Variants in PGBD5 observed in about 807,000 individuals in gnomAD.
PGBD5 encodes piggyBac transposable element derived 5.
PGBD5 carries 14 observed loss-of-function variants against 47.9 expected under a neutral mutation model. That is an observed-to-expected ratio of 0.29 (90% confidence interval 0.19 to 0.46). PGBD5 has a LOEUF of 0.46. Ranked by LOEUF, PGBD5 falls within the 20% of genes least tolerant of loss-of-function variation. The probability of loss-of-function intolerance (pLI) is 1.00; values close to 1 mark genes in which losing one functional copy is unlikely to be tolerated. For missense variants in PGBD5, 635 were observed against 716.0 expected (o/e 0.89, Z 1.29); for synonymous variants, 316 against 306.3 (o/e 1.03, Z -0.33).
rs1270822221 is a variant in PGBD5, at chr1:230,384,554, T to C, written c.332-27233A>G. ...CTGGGCACGCGCTGGACAGCAGCCATAGGTGCCCTCAGTTCCCTGCGGGAG... is the reference window on the plus strand; with the variant it reads ...CTGGGCACGCGCTGGACAGCAGCCACAGGTGCCCTCAGTTCCCTGCGGGAG... On this transcript the variant is annotated intron_variant, in intron 1 of 6. Coordinates refer to ENST00000391860, the MANE Select transcript of PGBD5 (RefSeq NM_001258311.2). Among the ~76,000 whole-genome samples, 4 of 152,066 alleles carry C rather than the reference T, an allele frequency of 2.6e-5. No individual in the cohort carries two copies. The East Asian group carries it at 7.7e-4, about 29-fold the overall frequency.
At chr1:230,358,591 G>GCCC (rs1347902770) in intron 1 of PGBD5, among the ~76,000 whole-genome samples, 1 of 149,622 alleles carries the variant, frequency 6.7e-6, no homozygotes, top group South Asian at 2.1e-4. Flanking sequence ...ACACCTCCCC[G>GCCC]CCCCCCCACA....
intron 1 of PGBD5, among the ~76,000 whole-genome samples, chr1:230,375,971 T>C (rs1668007135): frequency 1.3e-5 from 2 of 151,598 alleles, no homozygotes; most frequent in Admixed American, 1.3e-4. Flanking sequence ...CTTGCAGAGC[T>C]GTAAGGATTG....
At chr1:230,348,788 AGGGACTGCG>A (rs144503433) in intron 3 of PGBD5, among the ~76,000 whole-genome samples, 17,308 of 152,138 alleles carry the variant, frequency 0.11, 1,088 homozygotes, top group South Asian at 0.19. Flanking sequence ...GAACAAAGAG[AGGGACTGCG>A]GGGGCTGAGA....
chr1:230,419,538 T>C (rs1045221628), intron 1 of PGBD5, among the ~76,000 whole-genome samples: 2 of 151,970 alleles, frequency 1.3e-5, no homozygotes, highest in Non-Finnish European at 2.9e-5. Flanking sequence ...CCTGGACATG[T>C]ATCCCCTGAG....
intron 3 of PGBD5, among the ~76,000 whole-genome samples, chr1:230,344,250 A>G (rs1667446252): frequency 6.6e-6 from 1 of 151,014 alleles, no homozygotes; most frequent in African/African-American, 2.4e-5. Context: ...ACGCCACTAC[A>G]CTCCAGCCTG....
intron 4 of PGBD5, among the ~76,000 whole-genome samples, chr1:230,333,773 G>T (rs1055377680): frequency 6.6e-6 from 1 of 152,228 alleles, no homozygotes; most frequent in Admixed American, 6.5e-5. Flanking sequence ...GCTTGAGCTC[G>T]GTCTTTCAGG....
rs982829095 is a variant in PGBD5 at position 230,323,575 on chromosome 1, G to C, written c.1425C>G (p.Phe475Leu). 3.7e-6 allele frequency: 6 copies of C among 1,614,032 alleles called. No individual in the cohort carries two copies. The highest frequency in any genetic ancestry group is 4.2e-6 in the Non-Finnish European group (5 of 1,180,022). The change falls in exon 7 of 7, where the codon TTC (phenylalanine) becomes TTG (leucine). Residue 475 changes from phenylalanine to leucine, a missense_variant. Physicochemically the swap from Phe to Leu is conservative, Grantham distance 22. Coordinates refer to ENST00000391860, the MANE Select transcript of PGBD5 (RefSeq NM_001258311.2). This position sits in a 1 kb window ranked among gnomAD's most constrained non-coding sequence, Gnocchi z 4.1. ...TGATGGCGATGCTGATGGCGAACCA[G>C]AACACCTGCTGCCAGGTCTTGTTTG... ...HKPNKTWQQV[F>L]WFAISIAINN...
At position 230,323,700 on chromosome 1, in the gene PGBD5, A is replaced by G. The variant is rs1325747644; in HGVS notation, c.1380-80T>C. ...TGCATCCCAAAGGCCCCCCCTCACC[A>G]CAGCCCGTGAGACGCTGCAGGTTCG... On this transcript the variant is annotated intron_variant, in intron 6 of 6. Transcript: ENST00000391860. This position sits in a 1 kb window ranked among gnomAD's most constrained non-coding sequence, Gnocchi z 4.1. 1 of 1,394,400 alleles carries G rather than the reference A, an allele frequency of 7.2e-7. No individual in the cohort carries two copies. Among genetic ancestry groups the G allele is most frequent in the Non-Finnish European group, 9.9e-7 (1 of 1,010,098 alleles). The allele number at this position is 1,394,400 out of a possible 1,614,324, so 86.4% of individuals were successfully genotyped here.
chr1:230,353,062 G>C (rs1667582923), intron 2 of PGBD5, among the ~76,000 whole-genome samples: 1 of 152,150 alleles, frequency 6.6e-6, no homozygotes, highest in Non-Finnish European at 1.5e-5. Flanking sequence ...AAGAATTTCT[G>C]ACCCTCAATG....
chr1:230,416,706 T>C (rs1040598131), intron 1 of PGBD5, among the ~76,000 whole-genome samples: 5 of 151,986 alleles, frequency 3.3e-5, no homozygotes, highest in African/African-American at 1.2e-4. Flanking sequence ...AAGGTGACAA[T>C]AGAGAGGAAG....
At chr1:230,335,756 GAT>G (rs1667306077) in intron 4 of PGBD5, among the ~76,000 whole-genome samples, 2 of 222 alleles carry the variant, frequency 9.0e-3, no homozygotes, top group Non-Finnish European at 9.1e-3. Context: ...GACACACACA[GAT>G]ACACAGATAC....
chr1:230,401,139 A>C (rs1657129317), intron 1 of PGBD5, among the ~76,000 whole-genome samples: 1 of 152,218 alleles, frequency 6.6e-6, no homozygotes, highest in Non-Finnish European at 1.5e-5. Context: ...TGGTCAGGAC[A>C]GGCATTGGGC....
chr1:230,370,579 C>T (rs1667914109), intron 1 of PGBD5, among the ~76,000 whole-genome samples: 1 of 152,172 alleles, frequency 6.6e-6, no homozygotes, highest in African/African-American at 2.4e-5. Flanking sequence ...ATTCTTAACA[C>T]CCATTTATCC....
In PGBD5 at chr1:230,315,912, A is replaced by ATATGTGTATATGTGTACACATATATG. The variant is rs1666931016; in HGVS notation, c.*7487_*7512dup. 6.8e-6 allele frequency: 1 copy of ATATGTGTATATGTGTACACATATATG among 146,526 alleles called. No individual in the cohort carries two copies. The highest frequency in any genetic ancestry group is 2.1e-4 in the South Asian group (1 of 4,796). 9.1% of individuals were successfully genotyped at this position (146,526 alleles called of 1,614,324 possible). On this transcript the variant is annotated 3_prime_UTR_variant, in exon 7 of 7. Coordinates refer to ENST00000391860, the MANE Select transcript of PGBD5 (RefSeq NM_001258311.2). ...CATATTTATGTGTACACATATATGT[A>ATATGTGTATATGTGTACACATATATG]TATGTGTATATGTGTACACATATAT...
At chr1:230,381,255 G>A (rs577016141) in intron 1 of PGBD5, among the ~76,000 whole-genome samples, 52 of 152,290 alleles carry the variant, frequency 3.4e-4, no homozygotes, top group Non-Finnish European at 5.6e-4. Context: ...AGCATGTCCC[G>A]CTGCCAGGTT....
At chr1:230,379,081 C>CA (rs1359007759) in intron 1 of PGBD5, among the ~76,000 whole-genome samples, 1 of 152,160 alleles carries the variant, frequency 6.6e-6, no homozygotes, top group African/African-American at 2.4e-5. Context: ...TGGCCTCACT[C>CA]ACATGACTTC....
chr1:230,382,639 T>A (rs2102726821), intron 1 of PGBD5, among the ~76,000 whole-genome samples: 1 of 152,106 alleles, frequency 6.6e-6, no homozygotes, highest in South Asian at 2.1e-4. Flanking sequence ...TAAACTAGGG[T>A]GGTTGGTCAC....
intron 1 of PGBD5, among the ~76,000 whole-genome samples, chr1:230,407,310 T>G (rs1047253177): frequency 1.3e-5 from 2 of 152,220 alleles, no homozygotes; most frequent in African/African-American, 2.4e-5. Context: ...GTTAAAATGA[T>G]TATCATGAAC....
chr1:230,365,477 C>G (rs745723337), intron 1 of PGBD5, among the ~76,000 whole-genome samples: 2 of 152,208 alleles, frequency 1.3e-5, no homozygotes, highest in Non-Finnish European at 2.9e-5. Context: ...AACCATTTAT[C>G]ATACAAGGCA....
Sources: allele counts gnomAD v4.1 joint callset (sites outside exome capture counted in the v4.1 genomes callset), GRCh38; gene constraint gnomAD v4.1.1; non-coding constraint Gnocchi (gnomAD v3.1); transcripts MANE v1.5; gene names NCBI Gene and HGNC (gene_info 2026-07-23, HGNC 2026-07-21).